SUFU: variants seen among roughly 807,000 people sequenced by gnomAD.
SUFU encodes the protein suppressor of fused homolog.
Under a neutral mutation model 58.9 loss-of-function variants are expected in SUFU, and 7 were observed. The observed-to-expected ratio is 0.12, with a 90% CI of 0.07 to 0.22. The LOEUF (loss-of-function observed/expected upper bound fraction) is 0.22, where lower values mean the gene tolerates loss of function less well. Ranked by LOEUF, SUFU falls within the 10% of genes least tolerant of loss-of-function variation. The pLI is 1.00. For missense variants in SUFU, 451 were observed against 641.3 expected, an observed-to-expected ratio of 0.70 and a Z score of 3.20; for synonymous variants, 232 against 254.8, an observed-to-expected ratio of 0.91 and a Z score of 0.85.
intron 10 of SUFU, among the ~76,000 whole-genome samples, chr10:102,620,313 C>T (rs1329068476): frequency 6.6e-6 from 1 of 152,138 alleles, no homozygotes; most frequent in East Asian, 1.9e-4. Flanking sequence ...CAAGGAGAGG[C>T]CGAGAGGAAA....
intron 3 of SUFU, among the ~76,000 whole-genome samples, chr10:102,563,702 C>CA (rs1322056896): frequency 6.7e-6 from 1 of 148,380 alleles, no homozygotes; most frequent in Admixed American, 6.7e-5. Context: ...CCTCAAAAAA[C>CA]AAAAAAAGAA....
chr10:102,565,669 C>T (rs935919780), intron 3 of SUFU, among the ~76,000 whole-genome samples: 3 of 152,132 alleles, frequency 2.0e-5, no homozygotes, highest in African/African-American at 7.2e-5. Context: ...CTTAGCCTCC[C>T]GAGTAGCTGG....
chr10:102,565,382 G>T (rs555422271), intron 3 of SUFU, among the ~76,000 whole-genome samples: 1 of 152,262 alleles, frequency 6.6e-6, no homozygotes, highest in East Asian at 1.9e-4. Flanking sequence ...GTGGCCTGTG[G>T]TAGAGGAATC....
At chr10:102,615,451 A>T (rs1394777727) in intron 9 of SUFU, 49 bp downstream of exon 9, 1 of 1,613,300 alleles carries the variant, frequency 6.2e-7, no homozygotes, top group Admixed American at 1.7e-5. Flanking sequence ...CACCCAGCTC[A>T]GCCTCCAGGG....
At chr10:102,565,973 AGCACTT>A (rs1323645036) in intron 3 of SUFU, among the ~76,000 whole-genome samples, 1 of 152,190 alleles carries the variant, frequency 6.6e-6, no homozygotes, top group African/African-American at 2.4e-5. Flanking sequence ...TTTTGTCTCT[AGCACTT>A]GCAATTCAGG....
At chr10:102,569,039 C>T (rs1381980504) in intron 3 of SUFU, among the ~76,000 whole-genome samples, 3 of 148,340 alleles carry the variant, frequency 2.0e-5, no homozygotes, top group Non-Finnish European at 4.4e-5. Flanking sequence ...GATAAATAGA[C>T]CCCTCTGGAT....
intron 2 of SUFU, among the ~76,000 whole-genome samples, chr10:102,516,125 C>CTTTTTTTTTTTTTTTTT (rs60544094): frequency 1.3e-4 from 16 of 125,578 alleles, no homozygotes; most frequent in Non-Finnish European, 2.1e-4. Flanking sequence ...TCTTTCTTTT[C>CTTTTTTTTTTTTTTTTT]TTTTTTTTTT....
chr10:102,588,720 C>T (rs2063362404), intron 3 of SUFU, among the ~76,000 whole-genome samples: 1 of 152,114 alleles, frequency 6.6e-6, no homozygotes, highest in African/African-American at 2.4e-5. Context: ...ATACTGCCAT[C>T]TCAACAACAC....
chr10:102,509,039 C>G, intron 1 of SUFU, 130 bp from the exon 2 acceptor site: 1 of 1,260,384 alleles, frequency 7.9e-7, no homozygotes, highest in South Asian at 1.2e-5. Context: ...GAGATGTGGC[C>G]TCTGTTTAGT....
intron 2 of SUFU, among the ~76,000 whole-genome samples, chr10:102,539,491 CATTAATA>C (rs1270089437): frequency 1.3e-5 from 2 of 152,142 alleles, no homozygotes; most frequent in African/African-American, 4.8e-5. Context: ...ACTGCTTTTC[CATTAATA>C]ATTAATAAGT....
chr10:102,571,075 CT>C (rs1385278028), intron 3 of SUFU, among the ~76,000 whole-genome samples: 1 of 152,022 alleles, frequency 6.6e-6, no homozygotes, highest in Non-Finnish European at 1.5e-5. Context: ...AGTTAAGTGG[CT>C]TCTTCAAGGT....
intron 2 of SUFU, among the ~76,000 whole-genome samples, chr10:102,545,709 C>T (rs540870048): frequency 9.2e-5 from 14 of 152,202 alleles, no homozygotes; most frequent in Non-Finnish European, 2.1e-4. Flanking sequence ...CACAGTGGCT[C>T]ACGCCTGTAA....
At chr10:102,563,435 A>G (rs1197076642) in intron 3 of SUFU, among the ~76,000 whole-genome samples, 2 of 152,256 alleles carry the variant, frequency 1.3e-5, no homozygotes, top group East Asian at 1.9e-4. Flanking sequence ...CAAGAATAGG[A>G]AAGTGCTGGG....
At chr10:102,583,043 A>T (rs2063299501) in intron 3 of SUFU, among the ~76,000 whole-genome samples, 1 of 152,164 alleles carries the variant, frequency 6.6e-6, no homozygotes, top group African/African-American at 2.4e-5. Context: ...GCCCCTCTGA[A>T]GGGGCCAAGA....
intron 3 of SUFU, chr10:102,579,912 A>G (rs1295990654): frequency 2.1e-6 from 2 of 955,494 alleles, no homozygotes; most frequent in African/African-American, 3.5e-5. Context: ...AAGTTGGGAA[A>G]CTCTACAACT....
chr10:102,604,918 GC>G (rs2063548095), intron 8 of SUFU, among the ~76,000 whole-genome samples: 1 of 107,320 alleles, frequency 9.3e-6, no homozygotes, highest in African/African-American at 3.6e-5. Flanking sequence ...TGAAAATATT[GC>G]CTTTTTTTTT....
intron 2 of SUFU, among the ~76,000 whole-genome samples, chr10:102,535,959 A>G (rs934729939): frequency 1.2e-4 from 18 of 150,876 alleles, no homozygotes; most frequent in African/African-American, 4.4e-4. Flanking sequence ...GATGATGATG[A>G]TGATGATGAT....
chr10:102,572,850 G>GGT, intron 3 of SUFU: 2 of 804,232 alleles, frequency 2.5e-6, no homozygotes, highest in South Asian at 2.7e-5. Context: ...GCTGAATCAG[G>GGT]GTGTTGACCT....
At chr10:102,560,297 C>T (rs767661845) in intron 3 of SUFU, among the ~76,000 whole-genome samples, 107 of 152,132 alleles carry the variant, frequency 7.0e-4, no homozygotes, top group Admixed American at 1.9e-3. Flanking sequence ...TGACCAGGCG[C>T]AGTGGCTCAC....
Sources: gnomAD v4.1 joint callset for allele counts (sites outside exome capture counted in the v4.1 genomes callset) on GRCh38, gnomAD v4.1.1 for gene constraint, MANE v1.5 for transcripts, NCBI Gene and HGNC (gene_info 2026-07-23, HGNC 2026-07-21) for gene names.